The following KATNAL1 variants were observed in gnomAD, a reference collection of about 807,000 sequenced individuals.
KATNAL1 encodes katanin p60 ATPase-containing subunit A-like 1.
Under a neutral mutation model 55.2 loss-of-function variants are expected in KATNAL1, and 32 were observed. The ratio of observed to expected loss-of-function variants is 0.58; its 90% CI spans 0.44 to 0.78. KATNAL1 has a LOEUF of 0.78. Among genes scored for constraint, KATNAL1 ranks in the 30% least tolerant of loss-of-function variants. The pLI, the probability that KATNAL1 is intolerant of heterozygous loss-of-function variation, is 0.00. For missense variants in KATNAL1, 466 were observed against 600.9 expected, an observed-to-expected ratio of 0.78 and a Z score of 2.35; for synonymous variants, 193 against 193.6, an observed-to-expected ratio of 1.00 and a Z score of 0.02.
Position 30,283,635 on chromosome 13 carries a change from A to C in KATNAL1, c.143T>G (p.Ile48Ser), listed in dbSNP as rs1881571164. 6.2e-7 allele frequency: 1 copy of C among 1,613,696 alleles called. No homozygotes were observed. Among genetic ancestry groups the C allele is most frequent in the African/African-American group, 1.3e-5 (1 of 74,916 alleles). ...RHCQSVRDPAIKGKWQQVRQE... is the reference protein window; with the variant it reads ...RHCQSVRDPASKGKWQQVRQE... ...TCTTACCTGTTGCCATTTGCCTTTG[A>C]TAGCTGGATCTCTGACTGACTGGCA... Residue 48 changes from isoleucine (I) to serine (S), a missense_variant, in exon 2 of 11, where the codon ATC becomes AGC. By Grantham distance (142) the Ile-to-Ser change is moderately radical (BLOSUM62 -2). Coordinates refer to ENST00000380615, the MANE Select transcript of KATNAL1 (RefSeq NM_032116.5).
intron 3 of KATNAL1, among the ~76,000 whole-genome samples, chr13:30,268,979 A>G (rs1235548829): frequency 1.3e-5 from 2 of 152,270 alleles, no homozygotes; most frequent in South Asian, 4.1e-4. Flanking sequence ...GAATGGTAAC[A>G]CACACACAAT....
intron 6 of KATNAL1, among the ~76,000 whole-genome samples, chr13:30,234,005 G>A (rs1876384365): frequency 6.6e-6 from 1 of 152,148 alleles, no homozygotes; most frequent in African/African-American, 2.4e-5. Flanking sequence ...TCAGTAGGGT[G>A]ACCATAGTTT....
intron 6 of KATNAL1, among the ~76,000 whole-genome samples, chr13:30,235,011 G>C (rs1006376213): frequency 6.6e-6 from 1 of 152,186 alleles, no homozygotes; most frequent in African/African-American, 2.4e-5. Flanking sequence ...TGTGATTAGA[G>C]AGCTGGGGCT....
intron 3 of KATNAL1, among the ~76,000 whole-genome samples, chr13:30,271,878 G>GAAAAAAAAAAAAAAAAAAAAAA (rs71299873): frequency 6.0e-4 from 46 of 76,758 alleles, no homozygotes; most frequent in Non-Finnish European, 7.9e-4. Context: ...AAGAAAAGAG[G>GAAAAAAAAAAAAAAAAAAAAAA]AAAAAAAAAA....
chr13:30,212,989 G>A (rs992528981), intron 9 of KATNAL1, among the ~76,000 whole-genome samples: 4 of 152,118 alleles, frequency 2.6e-5, no homozygotes, highest in African/African-American at 4.8e-5. Context: ...ACCCCTAAGG[G>A]GAAGACCACA....
At chr13:30,241,389 G>A (rs922997429) in intron 4 of KATNAL1, among the ~76,000 whole-genome samples, 8 of 152,290 alleles carry the variant, frequency 5.3e-5, no homozygotes, top group East Asian at 3.9e-4. Flanking sequence ...ACTGGTAGAC[G>A]CAGAGGATTT....
At chr13:30,298,027 AT>A (rs1279742939) in intron 1 of KATNAL1, among the ~76,000 whole-genome samples, 1 of 152,218 alleles carries the variant, frequency 6.6e-6, no homozygotes, top group African/African-American at 2.4e-5. Context: ...AAAGTTAAAA[AT>A]TTTTAAAGTA....
rs1873255103 is a variant in KATNAL1 at position 30,207,469 on chromosome 13, G to C, written c.*1071C>G. ...AAACAATAAAGATTTCATTTGTTTT[G>C]CGTTAGCCACAGAGAGTGGACTTGT... On this transcript the variant is annotated 3_prime_UTR_variant, in exon 11 of 11. Transcript: ENST00000380615. The C allele has an allele frequency of 1.3e-5, 2 of 152,174 alleles. No homozygotes were observed. The highest frequency in any genetic ancestry group is 1.3e-4 in the Admixed American group (2 of 15,276). 9.4% of individuals were successfully genotyped at this position (152,174 alleles called of 1,614,324 possible).
chr13:30,298,114 G>GT (rs1340956006), intron 1 of KATNAL1, among the ~76,000 whole-genome samples: 2 of 152,148 alleles, frequency 1.3e-5, no homozygotes, highest in East Asian at 1.9e-4. Flanking sequence ...TAGTGTAAAC[G>GT]TAACTTTTAT....
chr13:30,219,419 CCAG>C (rs1874628150), intron 9 of KATNAL1, among the ~76,000 whole-genome samples: 1 of 152,218 alleles, frequency 6.6e-6, no homozygotes, highest in Non-Finnish European at 1.5e-5. Context: ...CTTAAGTACA[CCAG>C]TCAGAATTTG....
intron 3 of KATNAL1, among the ~76,000 whole-genome samples, chr13:30,259,912 T>TG (rs1593903235): frequency 6.6e-6 from 1 of 152,320 alleles, no homozygotes; most frequent in Non-Finnish European, 1.5e-5. Flanking sequence ...GCTCCACCTC[T>TG]GGGGGCAGGG....
At chr13:30,279,676 G>A (rs1306026700) in intron 3 of KATNAL1, among the ~76,000 whole-genome samples, 1 of 152,138 alleles carries the variant, frequency 6.6e-6, no homozygotes. Context: ...GAAATTGACT[G>A]TAGGCCCAAC....
intron 4 of KATNAL1, among the ~76,000 whole-genome samples, chr13:30,250,370 A>C (rs1231199279): frequency 6.6e-6 from 1 of 152,238 alleles, no homozygotes; most frequent in Non-Finnish European, 1.5e-5. Flanking sequence ...GTAAAGCTCT[A>C]GCATGTTTTT....
At chr13:30,259,528 G>A (rs1388999476) in intron 3 of KATNAL1, among the ~76,000 whole-genome samples, 1 of 152,236 alleles carries the variant, frequency 6.6e-6, no homozygotes, top group Admixed American at 6.5e-5. Flanking sequence ...CCGTGCACGA[G>A]CCGAAGCAGG....
chr13:30,292,102 G>A (rs1882173105), intron 1 of KATNAL1, among the ~76,000 whole-genome samples: 1 of 152,138 alleles, frequency 6.6e-6, no homozygotes. Flanking sequence ...ACAAAGATCA[G>A]TGAAAGAAAC....
At chr13:30,302,711 G>A (rs1292202169) in intron 1 of KATNAL1, among the ~76,000 whole-genome samples, 2 of 152,110 alleles carry the variant, frequency 1.3e-5, no homozygotes, top group East Asian at 3.8e-4. Context: ...AAAAACACAA[G>A]AGTGAGTATA....
At chr13:30,283,423 A>G (rs1169091909) in intron 2 of KATNAL1, among the ~76,000 whole-genome samples, 193 bp downstream of exon 2, 3 of 152,138 alleles carry the variant, frequency 2.0e-5, no homozygotes, top group East Asian at 3.8e-4. Flanking sequence ...CTCACGAAAT[A>G]TATGATCAAA....
intron 3 of KATNAL1, among the ~76,000 whole-genome samples, chr13:30,274,602 C>T (rs1880613869): frequency 6.6e-6 from 1 of 152,150 alleles, no homozygotes; most frequent in African/African-American, 2.4e-5. Flanking sequence ...AAAGATGTAA[C>T]TTTGAAAGAC....
rs576782353 is a variant in KATNAL1, at chr13:30,255,362, T to C, written c.492+85A>G. ...TAACTCTTCCACGTCAAAACCAGGG[T>C]ATCTTGAAAAGCCAACAAAAATCAT... On this transcript the variant is annotated intron_variant, in intron 4 of 10. Transcript: ENST00000380615. 4 of 1,100,538 alleles carry C rather than the reference T, an allele frequency of 3.6e-6. No individual in the cohort carries two copies. The South Asian group carries it at 9.7e-5, about 27-fold the overall frequency. 68.2% of individuals were successfully genotyped at this position (1,100,538 alleles called of 1,614,324 possible). A position where few individuals can be genotyped will look rare whatever the true frequency, so the allele number is the denominator to read the frequency against.
Sources: allele counts gnomAD v4.1 joint callset (sites outside exome capture counted in the v4.1 genomes callset), GRCh38; gene constraint gnomAD v4.1.1; transcripts MANE v1.5; gene names NCBI Gene and HGNC (gene_info 2026-07-23, HGNC 2026-07-21).